Variants in SUCLG2 observed in about 807,000 individuals in gnomAD.
The protein encoded by SUCLG2 is succinate-CoA ligase GDP-forming subunit beta.
In SUCLG2, 42 loss-of-function variants were observed where a neutral mutation model predicts 47.9. The ratio of observed to expected loss-of-function variants is 0.88; its 90% CI spans 0.69 to 1.14. The LOEUF is 1.14. Among genes scored for constraint, SUCLG2 ranks in the 50% most tolerant of loss-of-function variants. The pLI is 0.00. For missense variants in SUCLG2, 571 were observed against 525.9 expected (o/e 1.09, Z -0.84); for synonymous variants, 195 against 197.3 (o/e 0.99, Z 0.10).
intron 1 of SUCLG2, among the ~76,000 whole-genome samples, chr3:67,654,126 T>G (rs973902732): frequency 6.6e-6 from 1 of 152,176 alleles, no homozygotes; most frequent in East Asian, 1.9e-4. Context: ...TGCCAGAAGT[T>G]TGAAAAGCAG....
intron 9 of SUCLG2, among the ~76,000 whole-genome samples, chr3:67,492,100 G>A (rs1232320503): frequency 6.6e-6 from 1 of 152,196 alleles, no homozygotes; most frequent in Non-Finnish European, 1.5e-5. Flanking sequence ...TAGAAAATAT[G>A]ATTCAAAGTT....
At chr3:67,529,251 A>G (rs1706338035) in intron 2 of SUCLG2, 65 bp from the exon 3 acceptor site, 1 of 1,315,382 alleles carries the variant, frequency 7.6e-7, no homozygotes, top group Non-Finnish European at 1.1e-6. Flanking sequence ...TTAAGCAATA[A>G]GGAAAGCAAT....
chr3:67,460,121 T>C (rs932239042), intron 9 of SUCLG2, among the ~76,000 whole-genome samples: 2 of 152,308 alleles, frequency 1.3e-5, no homozygotes, highest in South Asian at 2.1e-4. Flanking sequence ...GAAAAAAAAA[T>C]TGATATTGGA....
chr3:67,528,019 T>C (rs567646467), intron 4 of SUCLG2, 113 bp downstream of exon 4: 1 of 893,910 alleles, frequency 1.1e-6, no homozygotes, highest in Non-Finnish European at 1.7e-6. Context: ...AAAAATAAAA[T>C]GGCACACTGC....
intron 2 of SUCLG2, among the ~76,000 whole-genome samples, chr3:67,529,985 AAAC>A (rs1706358696): frequency 6.6e-6 from 1 of 152,214 alleles, no homozygotes; most frequent in East Asian, 1.9e-4. Context: ...AAACAAAACA[AAAC>A]AACAACAAAC....
intron 2 of SUCLG2, among the ~76,000 whole-genome samples, chr3:67,536,157 T>A (rs1706536424): frequency 6.6e-6 from 1 of 152,196 alleles, no homozygotes; most frequent in Non-Finnish European, 1.5e-5. Context: ...GCTCTTGGTG[T>A]GCACACACTC....
intron 9 of SUCLG2, among the ~76,000 whole-genome samples, chr3:67,402,141 C>G (rs1702698354): frequency 6.6e-6 from 1 of 152,212 alleles, no homozygotes; most frequent in Admixed American, 6.5e-5. Flanking sequence ...TACAGAACCT[C>G]TCTTGAACAT....
chr3:67,406,693 C>T (rs1005772933), intron 9 of SUCLG2, among the ~76,000 whole-genome samples: 4 of 152,076 alleles, frequency 2.6e-5, no homozygotes, highest in African/African-American at 9.7e-5. Context: ...ACAAGATGGG[C>T]CCCCTCGCAA....
intron 1 of SUCLG2, among the ~76,000 whole-genome samples, chr3:67,620,387 C>T (rs545393754): frequency 4.6e-5 from 7 of 152,016 alleles, no homozygotes; most frequent in Non-Finnish European, 2.9e-5. Context: ...GAGTTCAAGA[C>T]CAGCATGGCC....
rs574489274 is a variant in SUCLG2, at chr3:67,553,612, C to T, written c.227-24426G>A. Among the ~76,000 whole-genome samples, 5 of 152,000 alleles carry T rather than the reference C, an allele frequency of 3.3e-5. 1 individual carries two copies. Among genetic ancestry groups the T allele is most frequent in the Middle Eastern group, 6.5e-3 (2 of 310 alleles). On this transcript the variant is annotated intron_variant, in intron 2 of 10. Transcript: ENST00000307227. ...AAACTGCATTTACAAACTCATTATACCCATTTTCTTTTCTTAAAGTACTTC... is the reference window on the plus strand; with the variant it reads ...AAACTGCATTTACAAACTCATTATATCCATTTTCTTTTCTTAAAGTACTTC...
At chr3:67,364,802 G>T (rs192220359) in intron 10 of SUCLG2, among the ~76,000 whole-genome samples, 4 of 151,910 alleles carry the variant, frequency 2.6e-5, no homozygotes, top group Admixed American at 1.3e-4. Context: ...CAAGCTGAAT[G>T]AAAAAAAAGG....
chr3:67,612,494 A>G (rs1371005914), intron 1 of SUCLG2, among the ~76,000 whole-genome samples: 1 of 152,148 alleles, frequency 6.6e-6, no homozygotes, highest in Non-Finnish European at 1.5e-5. Flanking sequence ...AATGTAATAT[A>G]AACTGCTGAA....
chr3:67,530,806 CCT>C (rs1396659462), intron 2 of SUCLG2, among the ~76,000 whole-genome samples: 2 of 152,144 alleles, frequency 1.3e-5, no homozygotes, highest in Non-Finnish European at 2.9e-5. Flanking sequence ...TTGGTCAAGC[CCT>C]GTCTTATAAT....
intron 9 of SUCLG2, among the ~76,000 whole-genome samples, chr3:67,435,756 C>A (rs1280543567): frequency 6.6e-6 from 1 of 152,154 alleles, no homozygotes; most frequent in Non-Finnish European, 1.5e-5. Flanking sequence ...CAAGTACAGA[C>A]AAGACAACAT....
At chr3:67,470,944 C>T (rs527533896) in intron 9 of SUCLG2, among the ~76,000 whole-genome samples, 1 of 152,250 alleles carries the variant, frequency 6.6e-6, no homozygotes, top group South Asian at 2.1e-4. Flanking sequence ...CTGTTACAGA[C>T]CTGAAATACC....
chr3:67,452,592 C>T (rs1704081083), intron 9 of SUCLG2, among the ~76,000 whole-genome samples: 1 of 152,148 alleles, frequency 6.6e-6, no homozygotes, highest in Admixed American at 6.5e-5. Context: ...CCACAAATTC[C>T]TTGTCAAATT....
At chr3:67,482,005 C>A (rs1704931349) in intron 9 of SUCLG2, among the ~76,000 whole-genome samples, 1 of 152,178 alleles carries the variant, frequency 6.6e-6, no homozygotes, top group East Asian at 1.9e-4. Context: ...AAGGCGAAGC[C>A]CTGTGTCTAC....
chr3:67,604,797 G>A (rs886243317), intron 2 of SUCLG2, among the ~76,000 whole-genome samples: 2 of 152,162 alleles, frequency 1.3e-5, no homozygotes, highest in Non-Finnish European at 2.9e-5. Context: ...AATCCGCAGA[G>A]AAGTCACCCT....
chr3:67,369,119 T>C (rs1190841521), intron 10 of SUCLG2, among the ~76,000 whole-genome samples: 1 of 152,164 alleles, frequency 6.6e-6, no homozygotes, highest in Non-Finnish European at 1.5e-5. Context: ...TTCCTCCTTC[T>C]CCACTGATTT....
Sources: allele counts gnomAD v4.1 joint callset (sites outside exome capture counted in the v4.1 genomes callset), GRCh38; gene constraint gnomAD v4.1.1; transcripts MANE v1.5; gene names NCBI Gene and HGNC (gene_info 2026-07-23, HGNC 2026-07-21).